Variants in KLHDC8A observed in about 807,000 individuals in gnomAD.
KLHDC8A encodes kelch domain-containing protein 8A.
A neutral mutation model predicts 33.1 loss-of-function variants in KLHDC8A; 21 were observed. The observed-to-expected ratio is 0.64, with a 90% CI of 0.45 to 0.91. The LOEUF (loss-of-function observed/expected upper bound fraction) is 0.91. KLHDC8A is among the 40% of genes least tolerant of loss of function. The pLI, the probability that KLHDC8A is intolerant of heterozygous loss-of-function variation, is 0.00. For synonymous variants in KLHDC8A, 173 were observed against 193.5 expected (o/e 0.89, Z 0.88); for missense variants, 435 against 483.3 (o/e 0.90, Z 0.94).
intron 4 of KLHDC8A, 101 bp from the exon 5 acceptor site, chr1:205,338,697 T>C: frequency 3.5e-6 from 3 of 864,422 alleles, no homozygotes; most frequent in Non-Finnish European, 5.7e-6. Context: ...CCCTGGGCAG[T>C]GTCTTCACTC....
chr1:205,344,892 T>C (rs1662904392), intron 1 of KLHDC8A, among the ~76,000 whole-genome samples: 2 of 151,184 alleles, frequency 1.3e-5, no homozygotes, highest in African/African-American at 4.9e-5. Flanking sequence ...CACGGGAAGT[T>C]TTTCCATCTG....
chr1:205,350,104 CA>C (rs879708879), intron 1 of KLHDC8A, among the ~76,000 whole-genome samples: 18 of 152,184 alleles, frequency 1.2e-4, no homozygotes, highest in Non-Finnish European at 2.1e-4. Flanking sequence ...GATACGATCG[CA>C]GAGGTCTGGC....
chr1:205,350,838 C>T (rs12120073), intron 1 of KLHDC8A, among the ~76,000 whole-genome samples: 31,226 of 95,030 alleles, frequency 0.33, 3,503 homozygotes, highest in South Asian at 0.48. Context: ...CATGTGTGTG[C>T]GCGCACGCAT....
intron 1 of KLHDC8A, among the ~76,000 whole-genome samples, chr1:205,347,239 G>C (rs1662971176): frequency 6.6e-6 from 1 of 152,194 alleles, no homozygotes; most frequent in African/African-American, 2.4e-5. Context: ...AGTGCACCAA[G>C]ATGGGGCCTT....
Position 205,336,848 on chromosome 1 carries a change from C to T in KLHDC8A, c.*551G>A, listed in dbSNP as rs1478863725. 1.9e-5 allele frequency: 3 copies of T among 156,100 alleles called. No individual in the cohort carries two copies. The highest frequency in any genetic ancestry group is 4.3e-5 in the Non-Finnish European group (3 of 70,214). 9.7% of individuals were successfully genotyped at this position (156,100 alleles called of 1,614,324 possible). A position where few individuals can be genotyped will look rare whatever the true frequency, so the allele number is the denominator to read the frequency against. Reference sequence around the variant, plus strand: ...CCTGACTTCCCTTCCAAGGCAGCTGCCTCTAGCTTCATGTCCAATTCTCGC... The same window carrying T: ...CCTGACTTCCCTTCCAAGGCAGCTGTCTCTAGCTTCATGTCCAATTCTCGC... On this transcript the variant is annotated 3_prime_UTR_variant, in exon 6 of 6. Coordinates refer to ENST00000367155, the MANE Select transcript of KLHDC8A (RefSeq NM_018203.3).
chr1:205,351,220 G>A (rs1196868274), intron 1 of KLHDC8A: 9 of 791,240 alleles, frequency 1.1e-5, no homozygotes, highest in East Asian at 7.3e-5. Flanking sequence ...GCAGGCTTTC[G>A]ATCTGTGAGC....
rs566684977 is a variant in KLHDC8A, at chr1:205,337,320, G to A, written c.*79C>T. ...AGCTGACATTCTTGGAAGTAGCCCCGACTGCTTGGACAAGATCATTCCTCA... is the reference window on the plus strand; with the variant it reads ...AGCTGACATTCTTGGAAGTAGCCCCAACTGCTTGGACAAGATCATTCCTCA... On this transcript the variant is annotated 3_prime_UTR_variant, in exon 6 of 6. Transcript: ENST00000367155. The A allele has an allele frequency of 8.8e-6, 11 of 1,249,036 alleles. No homozygotes were observed. Among genetic ancestry groups the A allele is most frequent in the Non-Finnish European group, 1.3e-5 (11 of 860,422 alleles). The allele number at this position is 1,249,036 out of a possible 1,614,324, so 77.4% of individuals were successfully genotyped here.
In KLHDC8A at chr1:205,336,849, C is replaced by T. The variant is rs1020654295; in HGVS notation, c.*550G>A. On this transcript the variant is annotated 3_prime_UTR_variant, in exon 6 of 6. Transcript: ENST00000367155. ...CTGACTTCCCTTCCAAGGCAGCTGC[C>T]TCTAGCTTCATGTCCAATTCTCGCT... The T allele has an allele frequency of 1.9e-5, 3 of 156,322 alleles. No homozygotes were observed. Among genetic ancestry groups the T allele is most frequent in the Admixed American group, 6.1e-5 (1 of 16,504 alleles). 9.7% of individuals were successfully genotyped at this position (156,322 alleles called of 1,614,324 possible).
In KLHDC8A at chr1:205,339,232, T is replaced by G. The variant is rs780000933; in HGVS notation, c.719A>C (p.Lys240Thr). ...GAACACGTCCATCGTCCGCAGGAAC[T>G]TGGGCTGCCGGTAGAGGCGACCTTG... Reference protein sequence around the residue: ...LRQGRLYRQPKFLRTMDVFDM... With the variant: ...LRQGRLYRQPTFLRTMDVFDM... The change falls in exon 4 of 6, where the codon AAG becomes ACG. Residue 240 changes from lysine (K) to threonine (T), a missense_variant. Transcript: ENST00000367155. This position sits in a 1 kb window ranked among gnomAD's most constrained non-coding sequence, Gnocchi z 5.1. 1 of 1,614,182 alleles carries G rather than the reference T, an allele frequency of 6.2e-7. No individual in the cohort carries two copies. Among genetic ancestry groups the G allele is most frequent in the Non-Finnish European group, 8.5e-7 (1 of 1,180,030 alleles).
At chr1:205,346,396 C>T (rs1231242145) in intron 1 of KLHDC8A, among the ~76,000 whole-genome samples, 1 of 152,190 alleles carries the variant, frequency 6.6e-6, no homozygotes, top group Non-Finnish European at 1.5e-5. Context: ...TGGAGTCCAT[C>T]CTTAGCTTCT....
rs771017290 is a variant in KLHDC8A at position 205,338,551 on chromosome 1, C to T, written c.803G>A (p.Arg268Gln). 5 of 1,614,018 alleles carry T rather than the reference C, an allele frequency of 3.1e-6. No homozygotes were observed. The highest frequency in any genetic ancestry group is 2.2e-5 in the South Asian group (2 of 91,080). ...CAGAGAGCCAGCCACAAAATCTGCC[C>T]GCCGCTTCTTGAGGAAGAACGATCG... is the stretch of plus-strand genomic sequence containing the variant. ...MERSFFLKKR[R>Q]ADFVAGSLSG... Residue 268 changes from arginine (R) to glutamine (Q), a missense_variant, in exon 5 of 6, where the codon CGG (arginine) becomes CAG (glutamine). Transcript: ENST00000367155.
chr1:205,356,612 C>T lies in KLHDC8A; in HGVS notation c.-269G>A, dbSNP rs974827387. ...GGGGAGGGGCCGGGAGAGGGTCGAG[C>T]GGGTGTTGGCTCTGAGGCTTGTCCT... is the stretch of plus-strand genomic sequence containing the variant. On this transcript the variant is annotated 5_prime_UTR_variant, in exon 1 of 6. Transcript: ENST00000367155. 4 of 455,932 alleles carry T rather than the reference C, an allele frequency of 8.8e-6. No individual in the cohort carries two copies. Among genetic ancestry groups the T allele is most frequent in the Admixed American group, 7.1e-5 (3 of 42,544 alleles). The allele number at this position is 455,932 out of a possible 1,614,324, so 28.2% of individuals were successfully genotyped here.
chr1:205,354,729 A>G (rs542092008), intron 1 of KLHDC8A, among the ~76,000 whole-genome samples: 5 of 152,304 alleles, frequency 3.3e-5, no homozygotes, highest in Non-Finnish European at 4.4e-5. Flanking sequence ...CTGGCATTCA[A>G]TGGGGACCCA....
intron 1 of KLHDC8A, among the ~76,000 whole-genome samples, chr1:205,345,960 A>G (rs1054094391): frequency 2.6e-5 from 4 of 152,194 alleles, no homozygotes; most frequent in Non-Finnish European, 4.4e-5. Context: ...TGTAATCCCA[A>G]CTACTCAGAA....
Position 205,356,824 on chromosome 1 carries a change from G to A in KLHDC8A, c.-481C>T, listed in dbSNP as rs1663290562. 3 of 297,380 alleles carry A rather than the reference G, an allele frequency of 1.0e-5. No homozygotes were observed. Among genetic ancestry groups the A allele is most frequent in the South Asian group, 8.7e-5 (3 of 34,648 alleles). The allele number at this position is 297,380 out of a possible 1,614,324, so 18.4% of individuals were successfully genotyped here. A position where few individuals can be genotyped will look rare whatever the true frequency, so the allele number is the denominator to read the frequency against. On this transcript the variant is annotated 5_prime_UTR_variant, in exon 1 of 6. The change creates a new upstream start codon in the 5' untranslated region. Transcript: ENST00000367155. ...TTGGGGTCCCTGAGTTCCAGGAGGC[G>A]TGACCCCCCTACTGAGAGGGCCTCA...
At chr1:205,351,780 ATGG>A (rs1216255674) in intron 1 of KLHDC8A, among the ~76,000 whole-genome samples, 1 of 151,866 alleles carries the variant, frequency 6.6e-6, no homozygotes, top group African/African-American at 2.4e-5. Flanking sequence ...TTAGCCAGGG[ATGG>A]TGGCGCATGC....
chr1:205,338,957 A>C (rs1662710685), intron 4 of KLHDC8A, among the ~76,000 whole-genome samples: 1 of 152,156 alleles, frequency 6.6e-6, no homozygotes. Context: ...AAGAAAAGAC[A>C]ATATAGGTAG....
rs954804082 is a variant in KLHDC8A at position 205,337,678 on chromosome 1, C to T, written c.860-86G>A. 4.4e-6 allele frequency: 4 copies of T among 903,986 alleles called. No individual in the cohort carries two copies. The African/African-American group carries it at 6.7e-5, about 15-fold the overall frequency. 56.0% of individuals were successfully genotyped at this position (903,986 alleles called of 1,614,324 possible). On this transcript the variant is annotated intron_variant, in intron 5 of 5. Coordinates refer to ENST00000367155, the MANE Select transcript of KLHDC8A (RefSeq NM_018203.3). ...GGTCACCCCACCTCCCTCCCTTCGGCACCCACAAGCAGAAGCCAAGCAAGG... is the reference window on the plus strand; with the variant it reads ...GGTCACCCCACCTCCCTCCCTTCGGTACCCACAAGCAGAAGCCAAGCAAGG...
chr1:205,343,274 T>A lies in KLHDC8A; in HGVS notation c.331A>T (p.Ser111Cys). 1 of 1,609,240 alleles carries A rather than the reference T, an allele frequency of 6.2e-7. No individual in the cohort carries two copies. ...CCCATGGCGGCCTCACGCAGCATGCTCCTCTTCTTCCACTTGCCCTCATCG... is the reference window on the plus strand; with the variant it reads ...CCCATGGCGGCCTCACGCAGCATGCACCTCTTCTTCCACTTGCCCTCATCG... ...NIDEGKWKKR[S>C]MLREAAMGIS... Residue 111 changes from serine to cysteine, a missense_variant, in exon 2 of 6, where the codon AGC becomes TGC. By Grantham distance (112) the Ser-to-Cys change is moderately radical. Coordinates refer to ENST00000367155, the MANE Select transcript of KLHDC8A (RefSeq NM_018203.3).
Sources: gnomAD v4.1 joint callset for allele counts (sites outside exome capture counted in the v4.1 genomes callset) on GRCh38, gnomAD v4.1.1 for gene constraint, Gnocchi (gnomAD v3.1) non-coding constraint, MANE v1.5 for transcripts, NCBI Gene and HGNC (gene_info 2026-07-23, HGNC 2026-07-21) for gene names.